Variants in MAGED2 observed in about 807,000 individuals in gnomAD.
MAGED2 encodes the protein MAGE family member D2.
MAGED2 carries 6 observed loss-of-function variants against 41.7 expected under a neutral mutation model. That is an observed-to-expected ratio of 0.14 (90% confidence interval 0.08 to 0.28). The LOEUF (loss-of-function observed/expected upper bound fraction) is 0.28, where lower values mean the gene tolerates loss of function less well. Among genes scored for constraint, MAGED2 ranks in the 10% least tolerant of loss-of-function variants. MAGED2 has a pLI of 1.00. For missense variants in MAGED2, 343 were observed against 486.4 expected, an observed-to-expected ratio of 0.71 and a Z score of 2.77; for synonymous variants, 146 against 178.2, an observed-to-expected ratio of 0.82 and a Z score of 1.44.
chrX:54,810,328 G>T, intron 3 of MAGED2, 115 bp downstream of exon 3: 1 of 466,659 alleles, frequency 2.1e-6, no homozygotes, highest in South Asian at 4.5e-5. Context: ...GGGGCACTGA[G>T]AGTAATGTGA....
intron 1 of MAGED2, chrX:54,808,221 ATAGGGAG>A (rs1385495585): frequency 9.3e-6 from 1 of 107,294 alleles, no homozygotes; most frequent in Non-Finnish European, 1.9e-5. Flanking sequence ...TGAGGTAGGA[ATAGGGAG>A]TAGGGAGCCA....
chrX:54,813,616 A>G (rs1314903695), intron 10 of MAGED2, 66 bp downstream of exon 10: 55 of 918,929 alleles, frequency 6.0e-5, no homozygotes, highest in Non-Finnish European at 7.9e-5. Flanking sequence ...TGAGTGATAA[A>G]GCCGTGGTGC....
At chrX:54,810,295 C>T in intron 3 of MAGED2, 82 bp downstream of exon 3, 1 of 631,915 alleles carries the variant, frequency 1.6e-6, no homozygotes, top group South Asian at 3.4e-5. Flanking sequence ...TTAGAAAGAT[C>T]CCTGTGCTCA....
chrX:54,810,262 T>A, intron 3 of MAGED2, 49 bp downstream of exon 3: 1 of 787,230 alleles, frequency 1.3e-6, no homozygotes, highest in Non-Finnish European at 1.8e-6. Context: ...CTCTCTCAGT[T>A]GATTCATTTG....
At chrX:54,815,750 G>C in intron 12 of MAGED2, 60 bp downstream of exon 12, 1 of 836,065 alleles carries the variant, frequency 1.2e-6, no homozygotes, top group Non-Finnish European at 1.7e-6. Flanking sequence ...TGAGGAGCTG[G>C]ATGATTCTAG....
rs1929852308 is a variant in MAGED2, at chrX:54,813,013, G to A, written c.1154G>A (p.Arg385Gln). 3 of 1,210,259 alleles carry A rather than the reference G, an allele frequency of 2.5e-6. No individual in the cohort carries two copies. Among genetic ancestry groups the A allele is most frequent in the African/African-American group, 1.7e-5 (1 of 57,286 alleles). ...LLSIIFMNGNRSSEAVIWEVL... is the reference protein window; with the variant it reads ...LLSIIFMNGNQSSEAVIWEVL... ...AGCATCATCTTCATGAATGGAAATCGGTCCAGTGAGGGTGAGTGGCTGGGC... is the reference window on the plus strand; with the variant it reads ...AGCATCATCTTCATGAATGGAAATCAGTCCAGTGAGGGTGAGTGGCTGGGC... Residue 385 changes from arginine (R) to glutamine (Q), a missense_variant, in exon 8 of 13, where the codon CGG becomes CAG. Arg to Gln is a conservative substitution (Grantham distance 43). Around this residue, in one of 3 missense-constraint regions of MAGED2, gnomAD observed 95 missense variants for 204.8 expected, o/e 0.46. Transcript: ENST00000375068.
At chrX:54,809,192 T>A in intron 1 of MAGED2, 111 bp from the exon 2 acceptor site, 2 of 516,613 alleles carry the variant, frequency 3.9e-6, no homozygotes, top group Admixed American at 5.5e-5. Flanking sequence ...TTGGGGGTGG[T>A]GGAGGGGGTT....
At chrX:54,808,568 G>T (rs1215920687) in intron 1 of MAGED2, 2 of 112,911 alleles carry the variant, frequency 1.8e-5, no homozygotes, top group African/African-American at 3.3e-5. Context: ...GACTGGACCC[G>T]GTTTGGCCGG....
At chrX:54,809,006 C>T (rs1929710361) in intron 1 of MAGED2, 3 of 338,831 alleles carry the variant, frequency 8.9e-6, no homozygotes, top group East Asian at 5.3e-5. Flanking sequence ...GAGAGCGGCC[C>T]TGCAGCCGAC....
intron 1 of MAGED2, chrX:54,808,964 A>C (rs1929706656): frequency 3.5e-6 from 1 of 286,198 alleles, no homozygotes; most frequent in Non-Finnish European, 6.3e-6. Context: ...GACATCAAAG[A>C]AAGGGCTCGT....
intron 2 of MAGED2, 127 bp from the exon 3 acceptor site, chrX:54,809,595 G>A (rs1375397310): frequency 9.3e-7 from 1 of 1,077,857 alleles, no homozygotes; most frequent in Non-Finnish European, 1.2e-6. Context: ...GTTGGGCTGA[G>A]GTGGTCAGAG....
chrX:54,814,789 T>C lies in MAGED2; in HGVS notation c.1386+14T>C, dbSNP rs1929911551. The C allele has an allele frequency of 2.6e-6, 3 of 1,166,487 alleles. No homozygotes were observed. The highest frequency in any genetic ancestry group is 2.3e-6 in the Non-Finnish European group (2 of 855,521). On this transcript the variant is annotated intron_variant, in intron 11 of 12. Transcript: ENST00000375068. ...TTTGCCTGCAAGGTAATTGGAGAGC[T>C]CCTTGAGCTTGGCAAGTCAAGAGCA... is the stretch of plus-strand genomic sequence containing the variant.
chrX:54,812,072 G>A lies in MAGED2; in HGVS notation c.991-85G>A, dbSNP rs891223023. 11 of 554,041 alleles carry A rather than the reference G, an allele frequency of 2.0e-5. No individual in the cohort carries two copies. In the Middle Eastern group the frequency reaches 1.3e-3, roughly 64 times the overall value. The allele number at this position is 554,041 out of a possible 1,213,427, so 45.7% of individuals were successfully genotyped here. On this transcript the variant is annotated intron_variant, in intron 6 of 12. Transcript: ENST00000375068. ...ATTATCTCACTGATTTCTCACACAT[G>A]CGAAACTCCTAGGTACATAGGGAGC...
Position 54,815,288 on chromosome X carries a change from G to A in MAGED2, c.1427G>A (p.Arg476Gln), listed in dbSNP as rs765344449. ...KDPKEWAAQYREAMEADLKAA... is the reference protein window; with the variant it reads ...KDPKEWAAQYQEAMEADLKAA... ...CCCAAGGAATGGGCAGCTCAGTACC[G>A]AGAGGCGATGGAAGCGGATTTGAAG... The change falls in exon 12 of 13, where the codon CGA (arginine) becomes CAA (glutamine). Residue 476 changes from arginine to glutamine, a missense_variant. Physicochemically the swap from Arg to Gln is conservative, Grantham distance 43. This residue lies in a region of MAGED2 where 95 missense variants were observed against 204.8 expected (regional missense o/e 0.46). Coordinates refer to ENST00000375068, the MANE Select transcript of MAGED2 (RefSeq NM_177433.3). 7 of 1,165,268 alleles carry A rather than the reference G, an allele frequency of 6.0e-6. No homozygotes were observed. The highest frequency in any genetic ancestry group is 1.8e-5 in the African/African-American group (1 of 55,320).
chrX:54,813,493 A>G lies in MAGED2; in HGVS notation c.1214A>G (p.His405Arg), dbSNP rs1314861690. The G allele has an allele frequency of 5.0e-6, 6 of 1,201,922 alleles. No homozygotes were observed. The highest frequency in any genetic ancestry group is 6.8e-6 in the Non-Finnish European group (6 of 887,955). The change falls in exon 10 of 13, where the codon CAT (histidine) becomes CGT (arginine). Residue 405 changes from histidine to arginine, a missense_variant. Transcript: ENST00000375068. ...TTTTCTTTTTCTTCTCTCAGGATACATCATTCACTCTTTGGGGACGTGAAG... is the reference window on the plus strand; with the variant it reads ...TTTTCTTTTTCTTCTCTCAGGATACGTCATTCACTCTTTGGGGACGTGAAG... ...LRKLGLRPGIHHSLFGDVKKL... is the reference protein window; with the variant it reads ...LRKLGLRPGIRHSLFGDVKKL...
chrX:54,813,568 G>A lies in MAGED2; in HGVS notation c.1271+18G>A. ...AAGCAGAAGTAAGTATCTCTGTCTG[G>A]TGTTCATGTGTCCCATGCATTTGGC... is the stretch of plus-strand genomic sequence containing the variant. On this transcript the variant is annotated intron_variant, in intron 10 of 12. Transcript: ENST00000375068. 1 of 1,178,496 alleles carries A rather than the reference G, an allele frequency of 8.5e-7. No individual in the cohort carries two copies.
chrX:54,811,238 C>T lies in MAGED2; in HGVS notation c.847-12C>T, dbSNP rs763540298. The stretch of plus-strand genomic sequence containing the variant: ...CTTGTTTTGGTCTTTCCATCTTTTT[C>T]TACTCTGCCAGGCAAATGATTTGGT... On this transcript the variant is annotated splice_polypyrimidine_tract_variant and intron_variant, in intron 4 of 12. Coordinates refer to ENST00000375068, the MANE Select transcript of MAGED2 (RefSeq NM_177433.3). The T allele has an allele frequency of 3.3e-6, 4 of 1,209,839 alleles. No homozygotes were observed. The highest frequency in any genetic ancestry group is 2.2e-5 in the Admixed American group (1 of 45,966).
Position 54,810,014 on chromosome X carries a change from C to T in MAGED2, c.338C>T (p.Pro113Leu), listed in dbSNP as rs763271575. ...GACACCAAGAAACAGAATGCTGACCCGCAGGCTGTGACAATGCCTGCCACT... is the reference window on the plus strand; with the variant it reads ...GACACCAAGAAACAGAATGCTGACCTGCAGGCTGTGACAATGCCTGCCACT... ...AADTKKQNADPQAVTMPATET... is the reference protein window; with the variant it reads ...AADTKKQNADLQAVTMPATET... Residue 113 changes from proline to leucine, a missense_variant, in exon 3 of 13, where the codon CCG becomes CTG. Pro to Leu is a moderately conservative substitution (Grantham distance 98). Coordinates refer to ENST00000375068, the MANE Select transcript of MAGED2 (RefSeq NM_177433.3). 1.9e-5 allele frequency: 23 copies of T among 1,204,166 alleles called. No individual in the cohort carries two copies. Among genetic ancestry groups the T allele is most frequent in the Admixed American group, 1.3e-4 (6 of 45,268 alleles).
At chrX:54,815,737 G>T in intron 12 of MAGED2, 47 bp downstream of exon 12, 1 of 908,438 alleles carries the variant, frequency 1.1e-6, no homozygotes. Context: ...TATGGGGCTG[G>T]GATGAGGAGC....
Sources: gnomAD v4.1 joint callset for allele counts on GRCh38, gnomAD v4.1.1 for gene constraint, gnomAD v4.1.1 regional missense constraint, MANE v1.5 for transcripts, NCBI Gene and HGNC (gene_info 2026-07-23, HGNC 2026-07-21) for gene names.